PPM1L: variants seen among roughly 807,000 people sequenced by gnomAD.
The protein encoded by PPM1L is protein phosphatase 1L.
In PPM1L, 13 loss-of-function variants were observed where a neutral mutation model predicts 31.4. The ratio of observed to expected loss-of-function variants is 0.41; its 90% confidence interval spans 0.27 to 0.66. The LOEUF is 0.66. Among genes scored for constraint, PPM1L ranks in the 30% least tolerant of loss-of-function variants. The pLI, the probability that PPM1L is intolerant of heterozygous loss-of-function variation, is 0.29. For synonymous variants in PPM1L, 184 were observed against 175.4 expected, an observed-to-expected ratio of 1.05 and a Z score of -0.39; for missense variants, 326 against 453.7, an observed-to-expected ratio of 0.72 and a Z score of 2.56.
intron 1 of PPM1L, among the ~76,000 whole-genome samples, chr3:160,850,818 A>G (rs1711503752): frequency 6.7e-6 from 1 of 149,598 alleles, no homozygotes; most frequent in African/African-American, 2.5e-5. Context: ...TGACTCTACC[A>G]TTGATTCCAT....
intron 2 of PPM1L, among the ~76,000 whole-genome samples, chr3:161,063,850 T>A (rs182338785): frequency 2.0e-4 from 30 of 152,266 alleles, no homozygotes; most frequent in Admixed American, 1.6e-3. Flanking sequence ...TAAAAAAGGA[T>A]GAATTCATGT....
intron 2 of PPM1L, among the ~76,000 whole-genome samples, chr3:161,043,628 A>G (rs1310126989): frequency 6.6e-6 from 1 of 152,206 alleles, no homozygotes; most frequent in Non-Finnish European, 1.5e-5. Context: ...TCAGCCACCA[A>G]TGTTGAATTG....
intron 1 of PPM1L, among the ~76,000 whole-genome samples, chr3:160,897,468 G>A (rs911181372): frequency 6.6e-6 from 1 of 152,180 alleles, no homozygotes; most frequent in Non-Finnish European, 1.5e-5. Context: ...TATAGTGGAA[G>A]TGGTTCACAT....
intron 1 of PPM1L, among the ~76,000 whole-genome samples, chr3:160,823,932 T>C (rs1411236283): frequency 6.6e-6 from 1 of 152,156 alleles, no homozygotes; most frequent in Non-Finnish European, 1.5e-5. Context: ...TTTGAATCAT[T>C]GTGGACATAA....
intron 2 of PPM1L, among the ~76,000 whole-genome samples, chr3:161,032,404 A>G (rs753729254): frequency 6.6e-5 from 10 of 152,226 alleles, no homozygotes; most frequent in Non-Finnish European, 1.5e-4. Context: ...TTTGAAAAGC[A>G]CATGGAAGGC....
intron 1 of PPM1L, among the ~76,000 whole-genome samples, chr3:160,856,609 G>A (rs1711713732): frequency 6.6e-6 from 1 of 152,096 alleles, no homozygotes; most frequent in Non-Finnish European, 1.5e-5. Flanking sequence ...TAAACACTGA[G>A]TACACATGAA....
At chr3:160,762,326 C>T (rs1714990759) in intron 1 of PPM1L, among the ~76,000 whole-genome samples, 1 of 152,018 alleles carries the variant, frequency 6.6e-6, no homozygotes, top group Admixed American at 6.5e-5. Context: ...CAATGAAACC[C>T]TCCTTCCTAT....
intron 1 of PPM1L, among the ~76,000 whole-genome samples, chr3:160,930,319 C>T (rs1714741441): frequency 6.6e-6 from 1 of 151,510 alleles, no homozygotes; most frequent in Non-Finnish European, 1.5e-5. Flanking sequence ...GGGGAATTAA[C>T]TCCCTTTGCC....
chr3:161,005,287 C>G (rs898608750), intron 2 of PPM1L, among the ~76,000 whole-genome samples: 1 of 151,934 alleles, frequency 6.6e-6, no homozygotes, highest in East Asian at 1.9e-4. Flanking sequence ...ATTTATTCAC[C>G]CAGGAAATAT....
chr3:160,811,804 T>A (rs924644422), intron 1 of PPM1L, among the ~76,000 whole-genome samples: 1 of 152,172 alleles, frequency 6.6e-6, no homozygotes, highest in Admixed American at 6.5e-5. Flanking sequence ...TTCCACTTAA[T>A]AGGATCATAG....
chr3:160,807,719 TA>T (rs1712644945), intron 1 of PPM1L, among the ~76,000 whole-genome samples: 1 of 151,980 alleles, frequency 6.6e-6, no homozygotes, highest in South Asian at 2.1e-4. Flanking sequence ...AAAATGAAAA[TA>T]GTGAAAGAGT....
intron 2 of PPM1L, among the ~76,000 whole-genome samples, chr3:160,991,886 CATA>C (rs911075508): frequency 6.6e-6 from 1 of 152,174 alleles, no homozygotes; most frequent in African/African-American, 2.4e-5. Context: ...CCCTAGGTAA[CATA>C]ATAATAACTA....
chr3:160,865,724 G>A (rs1306449298), intron 1 of PPM1L, among the ~76,000 whole-genome samples: 1 of 152,186 alleles, frequency 6.6e-6, no homozygotes, highest in Non-Finnish European at 1.5e-5. Context: ...GCAGTGAGCC[G>A]AGATCATGCC....
At chr3:160,984,666 C>T (rs1716907006) in intron 2 of PPM1L, among the ~76,000 whole-genome samples, 1 of 152,276 alleles carries the variant, frequency 6.6e-6, no homozygotes, top group East Asian at 1.9e-4. Flanking sequence ...TCCCTCTGTT[C>T]AGGGTCCCTG....
intron 1 of PPM1L, among the ~76,000 whole-genome samples, chr3:160,777,257 G>A (rs1280185998): frequency 2.6e-5 from 4 of 152,014 alleles, no homozygotes; most frequent in South Asian, 2.1e-4. Flanking sequence ...GGAGTTTGAC[G>A]TTGCAGTGAG....
intron 1 of PPM1L, among the ~76,000 whole-genome samples, chr3:160,797,725 G>A (rs1049423917): frequency 4.6e-5 from 7 of 152,226 alleles, no homozygotes; most frequent in Non-Finnish European, 8.8e-5. Flanking sequence ...GATTAAACCA[G>A]CCACAACGTT....
chr3:160,835,005 A>G (rs1442521848), intron 1 of PPM1L, among the ~76,000 whole-genome samples: 1 of 143,780 alleles, frequency 7.0e-6, no homozygotes, highest in Non-Finnish European at 1.5e-5. Flanking sequence ...GAAACTGACA[A>G]CCTATTACTA....
chr3:160,807,958 CAT>C (rs1339536937), intron 1 of PPM1L, among the ~76,000 whole-genome samples: 1 of 152,062 alleles, frequency 6.6e-6, no homozygotes, highest in Non-Finnish European at 1.5e-5. Context: ...TAATATCAAT[CAT>C]GTGATCTGTT....
intron 2 of PPM1L, among the ~76,000 whole-genome samples, chr3:161,044,552 C>T (rs1043510436): frequency 2.0e-5 from 3 of 151,642 alleles, no homozygotes; most frequent in Admixed American, 6.6e-5. Context: ...TCAGTCTGGG[C>T]AACATGGTAA....
Sources: allele counts gnomAD v4.1 joint callset (sites outside exome capture counted in the v4.1 genomes callset), GRCh38; gene constraint gnomAD v4.1.1; transcripts MANE v1.5; gene names NCBI Gene and HGNC (gene_info 2026-07-23, HGNC 2026-07-21).